Variants in PDLIM1 observed in about 807,000 individuals in gnomAD.
PDLIM1 encodes PDZ and LIM domain protein 1.
A neutral mutation model predicts 35.2 loss-of-function variants in PDLIM1; 25 were observed. That is an observed-to-expected ratio of 0.71 (90% confidence interval 0.52 to 0.99). PDLIM1 has a LOEUF of 0.99. Ranked by LOEUF, PDLIM1 falls within the 50% of genes least tolerant of loss-of-function variation. The pLI, the probability that PDLIM1 is intolerant of heterozygous loss-of-function variation, is 0.00. For synonymous variants in PDLIM1, 152 were observed against 154.0 expected, an observed-to-expected ratio of 0.99 and a Z score of 0.10; for missense variants, 363 against 415.3, an observed-to-expected ratio of 0.87 and a Z score of 1.09.
chr10:95,243,921 C>G (rs1235401669), intron 5 of PDLIM1, among the ~76,000 whole-genome samples: 1 of 151,830 alleles, frequency 6.6e-6, no homozygotes, highest in Non-Finnish European at 1.5e-5. Context: ...TAGAGACAAG[C>G]AGGAGGGTGG....
intron 1 of PDLIM1, among the ~76,000 whole-genome samples, 175 bp from the exon 2 acceptor site, chr10:95,271,959 A>G (rs12761249): frequency 1.3e-5 from 2 of 152,100 alleles, no homozygotes; most frequent in East Asian, 1.9e-4. Flanking sequence ...GGCTTTTCTA[A>G]TATGATCTCA....
intron 1 of PDLIM1, among the ~76,000 whole-genome samples, chr10:95,285,437 A>T (rs1195748352): frequency 1.3e-5 from 2 of 152,154 alleles, no homozygotes; most frequent in Admixed American, 1.3e-4. Flanking sequence ...TGAAATATTG[A>T]CAGTTATGGC....
chr10:95,254,978 GAAATAAGGATAAT>G (rs1230659571), intron 4 of PDLIM1, among the ~76,000 whole-genome samples: 1 of 151,938 alleles, frequency 6.6e-6, no homozygotes, highest in African/African-American at 2.4e-5. Context: ...TAATACCACA[GAAATAAGGATAAT>G]AACAGACTAC....
chr10:95,264,416 A>C (rs1018450483), intron 3 of PDLIM1, among the ~76,000 whole-genome samples: 1 of 152,270 alleles, frequency 6.6e-6, no homozygotes, highest in Non-Finnish European at 1.5e-5. Context: ...TTCAGGGCAC[A>C]TACCAAAGAG....
In PDLIM1 at chr10:95,238,637, G is replaced by T. The variant is rs1422527014; in HGVS notation, c.734C>A (p.Thr245Asn). Residue 245 changes from threonine (T) to asparagine (N), a missense_variant, in exon 6 of 7, where the codon ACT becomes AAT. Physicochemically the swap from Thr to Asn is moderately conservative, Grantham distance 65 (BLOSUM62 0). Transcript: ENST00000329399. ...ATTTCCAATCGACGCAGCCACTTTA[G>T]TGACAGGAGCTTTAACACTTCTGAA... is the stretch of plus-strand genomic sequence containing the variant. ...SGFRSVKAPV[T>N]KVAASIGNAQ... The T allele has an allele frequency of 1.2e-6, 2 of 1,614,008 alleles. No individual in the cohort carries two copies. The highest frequency in any genetic ancestry group is 2.7e-5 in the African/African-American group (2 of 74,924).
chr10:95,269,321 C>G (rs1236315985), intron 2 of PDLIM1, among the ~76,000 whole-genome samples: 1 of 152,180 alleles, frequency 6.6e-6, no homozygotes, highest in Admixed American at 6.5e-5. Flanking sequence ...CCTGTAATCC[C>G]AGCACTTTGG....
At chr10:95,273,779 C>G (rs1400431835) in intron 1 of PDLIM1, among the ~76,000 whole-genome samples, 5 of 152,180 alleles carry the variant, frequency 3.3e-5, no homozygotes, top group Non-Finnish European at 2.9e-5. Flanking sequence ...TGAGAGTTAG[C>G]TTCTGAGTCA....
chr10:95,263,445 A>G (rs539434894), intron 4 of PDLIM1, among the ~76,000 whole-genome samples: 1 of 151,782 alleles, frequency 6.6e-6, no homozygotes, highest in South Asian at 2.1e-4. Context: ...TGCTTAGTTC[A>G]GATGGTGGAC....
intron 5 of PDLIM1, among the ~76,000 whole-genome samples, chr10:95,242,349 C>A (rs1021176230): frequency 2.0e-5 from 3 of 152,018 alleles, no homozygotes; most frequent in Non-Finnish European, 4.4e-5. Flanking sequence ...ATTTAAATGT[C>A]ATTTTTTTTC....
At chr10:95,242,277 G>A (rs1019312787) in intron 5 of PDLIM1, among the ~76,000 whole-genome samples, 1 of 152,276 alleles carries the variant, frequency 6.6e-6, no homozygotes, top group South Asian at 2.1e-4. Context: ...CCTTTGGGAG[G>A]AGGCCAAAGT....
In PDLIM1 at chr10:95,284,415, G is replaced by A. The variant is rs566045613; in HGVS notation, c.96+6405C>T. 6.6e-5 allele frequency among the ~76,000 whole-genome samples: 10 copies of A among 151,960 alleles called. No homozygotes were observed. The South Asian group carries it at 1.5e-3, about 22-fold the overall frequency. ...GTTGCCCAGGCTGGAGTGCAGTGGCGTGATTTCAACTCACTGCAACCTCCG... is the reference window on the plus strand; with the variant it reads ...GTTGCCCAGGCTGGAGTGCAGTGGCATGATTTCAACTCACTGCAACCTCCG... On this transcript the variant is annotated intron_variant, in intron 1 of 6. Transcript: ENST00000329399.
chr10:95,241,659 T>C (rs989954996), intron 5 of PDLIM1, among the ~76,000 whole-genome samples: 1 of 152,206 alleles, frequency 6.6e-6, no homozygotes, highest in African/African-American at 2.4e-5. Context: ...TTCCCCATCC[T>C]GACTTTAGCC....
intron 5 of PDLIM1, among the ~76,000 whole-genome samples, chr10:95,240,026 C>T (rs936522067): frequency 2.0e-5 from 3 of 152,156 alleles, no homozygotes; most frequent in Non-Finnish European, 4.4e-5. Context: ...AAAAAGAACG[C>T]TTTCACACTG....
chr10:95,263,684 A>G (rs1035345965), intron 4 of PDLIM1, among the ~76,000 whole-genome samples, 180 bp downstream of exon 4: 3 of 152,236 alleles, frequency 2.0e-5, no homozygotes, highest in African/African-American at 7.2e-5. Context: ...CAGACACCCT[A>G]TAAAGCAGGA....
At chr10:95,272,097 A>G (rs1427918705) in intron 1 of PDLIM1, among the ~76,000 whole-genome samples, 2 of 152,252 alleles carry the variant, frequency 1.3e-5, no homozygotes, top group East Asian at 3.9e-4. Context: ...TTATTATATT[A>G]CTGGTCCTCC....
intron 1 of PDLIM1, among the ~76,000 whole-genome samples, chr10:95,278,656 C>T (rs935192438): frequency 6.6e-6 from 1 of 151,716 alleles, no homozygotes; most frequent in African/African-American, 2.4e-5. Context: ...ATTTAGCAAG[C>T]GAAGGGAGAG....
intron 1 of PDLIM1, among the ~76,000 whole-genome samples, chr10:95,276,358 T>C (rs1833743261): frequency 6.7e-6 from 1 of 150,218 alleles, no homozygotes; most frequent in Non-Finnish European, 1.5e-5. Context: ...GGACCTGGAG[T>C]GTCACAAAGT....
chr10:95,286,772 G>C (rs1489835537), intron 1 of PDLIM1, among the ~76,000 whole-genome samples: 2 of 152,238 alleles, frequency 1.3e-5, no homozygotes, highest in Non-Finnish European at 2.9e-5. Context: ...GTGAGCACCT[G>C]AGCTTTTCTG....
Position 95,290,862 on chromosome 10 carries a change from G to A in PDLIM1, c.54C>T (p.Leu18=). ...GCTGCTCGAAGTCCTTGCCGCCCAC[G>A]AGGCGGAAGCCCCACGGCCCCGGGC... The part of the protein sequence containing the change: ...LQGPGPWGFR[L]VGGKDFEQPL... Residue 18 remains leucine, a synonymous_variant, in exon 1 of 7, where the codon CTC becomes CTT. Transcript: ENST00000329399. The surrounding 1 kb of genome is among the most constrained non-coding windows in gnomAD (Gnocchi z 4.7). 1 of 1,565,028 alleles carries A rather than the reference G, an allele frequency of 6.4e-7. No individual in the cohort carries two copies. Among genetic ancestry groups the A allele is most frequent in the Non-Finnish European group, 8.7e-7 (1 of 1,155,404 alleles).
Sources: allele counts gnomAD v4.1 joint callset (sites outside exome capture counted in the v4.1 genomes callset), GRCh38; gene constraint gnomAD v4.1.1; non-coding constraint Gnocchi (gnomAD v3.1); transcripts MANE v1.5; gene names NCBI Gene and HGNC (gene_info 2026-07-23, HGNC 2026-07-21).